The following TRAPPC10 variants were observed in gnomAD, a reference collection of about 807,000 sequenced individuals.
TRAPPC10 encodes TRAPP 130 kDa subunit.
TRAPPC10 carries 23 observed loss-of-function variants against 125.5 expected under a neutral mutation model. That is an observed-to-expected ratio of 0.18 (90% confidence interval 0.13 to 0.26). TRAPPC10 has a LOEUF of 0.26. Ranked by LOEUF, TRAPPC10 falls within the 10% of genes least tolerant of loss-of-function variation. TRAPPC10 has a pLI of 1.00. For synonymous variants in TRAPPC10, 509 were observed against 518.0 expected (o/e 0.98, Z 0.24); for missense variants, 1,123 against 1,308.4 (o/e 0.86, Z 2.19).
chr21:44,035,588 G>A (rs570328656), intron 2 of TRAPPC10, among the ~76,000 whole-genome samples: 3 of 152,200 alleles, frequency 2.0e-5, no homozygotes, highest in South Asian at 4.2e-4. Flanking sequence ...GACCAGCCTG[G>A]CCAACATGGT....
At chr21:44,072,974 C>T (rs190147081) in intron 7 of TRAPPC10, among the ~76,000 whole-genome samples, 5 of 152,330 alleles carry the variant, frequency 3.3e-5, no homozygotes, top group East Asian at 1.9e-4. Flanking sequence ...GCTCATCAAT[C>T]GGAGGGACAC....
rs758338115 is a variant in TRAPPC10 at position 44,087,752 on chromosome 21, A to G, written c.2593A>G (p.Ile865Val). Residue 865 changes from isoleucine (I) to valine (V), a missense_variant, in exon 17 of 23, where the codon ATC becomes GTC. This residue lies in a region of TRAPPC10 where 840 missense variants were observed against 902.0 expected (regional missense o/e 0.93). Coordinates refer to ENST00000291574, the MANE Select transcript of TRAPPC10 (RefSeq NM_003274.5). The surrounding 1 kb of genome is among the most constrained non-coding windows in gnomAD (Gnocchi z 4.6). ...RIQSSDKVTS[I>V]SLPVAPAYHV... ...TCAGTCCTCCGACAAGGTCACGAGC[A>G]TCAGTCTGCCTGTTGCGCCTGCGTA... 1 of 1,614,234 alleles carries G rather than the reference A, an allele frequency of 6.2e-7. No homozygotes were observed. The highest frequency in any genetic ancestry group is 2.2e-5 in the East Asian group (1 of 44,894).
chr21:44,021,638 A>G (rs1416371835), intron 1 of TRAPPC10, among the ~76,000 whole-genome samples: 1 of 152,204 alleles, frequency 6.6e-6, no homozygotes, highest in East Asian at 1.9e-4. Flanking sequence ...AATGGATGTT[A>G]TGGACTGAAC....
chr21:44,071,629 G>A (rs2036874387), intron 7 of TRAPPC10, among the ~76,000 whole-genome samples: 1 of 152,146 alleles, frequency 6.6e-6, no homozygotes, highest in South Asian at 2.1e-4. Flanking sequence ...TCTGCAAGGC[G>A]GCACTGCAGA....
Position 44,032,808 on chromosome 21 carries a change from G to GCAAA in TRAPPC10, c.149+637_149+638insAAAC, listed in dbSNP as rs1266121555. On this transcript the variant is annotated intron_variant, in intron 2 of 22. Transcript: ENST00000291574. ...TGACCAGAATGTCTTAAAGGCACAG[G>GCAAA]CGTTTTGCAAAGGAGACACGTGCTC... Among the ~76,000 whole-genome samples the GCAAA allele has an allele frequency of 3.3e-5, 5 of 152,324 alleles. No individual in the cohort carries two copies. The East Asian group carries it at 7.7e-4, about 23-fold the overall frequency.
rs141057151 is a variant in TRAPPC10 at position 44,074,764 on chromosome 21, C to T, written c.1186-275C>T. 6.6e-3 allele frequency among the ~76,000 whole-genome samples: 1,012 copies of T among 152,308 alleles called. 9 individuals carry two copies. Among genetic ancestry groups the T allele is most frequent in the African/African-American group, 0.023 (947 of 41,564 alleles). On this transcript the variant is annotated intron_variant, in intron 8 of 22. Transcript: ENST00000291574. ...TGTCAGCTCACCAGGCAGAGCTGTG[C>T]TGGTGTGTGCAGCAGGTAGGCTGGG...
chr21:44,062,958 G>A, intron 6 of TRAPPC10: 4 of 1,299,540 alleles, frequency 3.1e-6, no homozygotes, highest in Non-Finnish European at 3.0e-6. Context: ...AGGGATGTAA[G>A]TAAACCTCTG....
intron 3 of TRAPPC10, among the ~76,000 whole-genome samples, chr21:44,050,505 T>A: frequency 6.6e-6 from 1 of 152,032 alleles, no homozygotes; most frequent in East Asian, 1.9e-4. Flanking sequence ...GTGGATGGGG[T>A]CAGCCGGGTG....
Position 44,080,235 on chromosome 21 carries a change from G to C in TRAPPC10, c.1723+108G>C. 3 of 969,330 alleles carry C rather than the reference G, an allele frequency of 3.1e-6. 1 individual carries two copies. In the Admixed American group the frequency reaches 6.4e-5, roughly 21 times the overall value. 60.0% of individuals were successfully genotyped at this position (969,330 alleles called of 1,614,324 possible). On this transcript the variant is annotated intron_variant, in intron 13 of 22. Coordinates refer to ENST00000291574, the MANE Select transcript of TRAPPC10 (RefSeq NM_003274.5). Reference sequence around the variant, plus strand: ...TACAGTAAACAGTTGCTAACATTTTGCTGTGTAGCTGACATGTATCTATGT... The same window carrying C: ...TACAGTAAACAGTTGCTAACATTTTCCTGTGTAGCTGACATGTATCTATGT...
At chr21:44,060,915 TACACACACACACACAC>T (rs34848979) in intron 6 of TRAPPC10, among the ~76,000 whole-genome samples, 1 of 132,192 alleles carries the variant, frequency 7.6e-6, no homozygotes, top group Admixed American at 7.6e-5. Context: ...CATACATACA[TACACACACACACACAC>T]ACACACACAC....
chr21:44,048,526 C>G (rs1034817549), intron 3 of TRAPPC10, among the ~76,000 whole-genome samples: 15 of 152,134 alleles, frequency 9.9e-5, no homozygotes, highest in African/African-American at 3.4e-4. Flanking sequence ...CAGAGTCTTG[C>G]TCTATCACCC....
In TRAPPC10 at chr21:44,087,020, T is replaced by G; in HGVS notation, c.2539+60T>G. The stretch of plus-strand genomic sequence containing the variant: ...CCCACCTTGCCCTGCACTGTGTGGG[T>G]GTGAGGGTGAGCCTGGCCTTGCTGC... On this transcript the variant is annotated intron_variant, in intron 16 of 22. Coordinates refer to ENST00000291574, the MANE Select transcript of TRAPPC10 (RefSeq NM_003274.5). The surrounding 1 kb of genome is among the most constrained non-coding windows in gnomAD (Gnocchi z 4.6). 1 of 1,579,186 alleles carries G rather than the reference T, an allele frequency of 6.3e-7. No homozygotes were observed. Among genetic ancestry groups the G allele is most frequent in the Non-Finnish European group, 8.6e-7 (1 of 1,156,602 alleles).
In TRAPPC10 at chr21:44,029,255, C is replaced by CAGCT. The variant is rs2033360775; in HGVS notation, c.68-2834_68-2831dup. Among the ~76,000 whole-genome samples the CAGCT allele has an allele frequency of 3.3e-5, 5 of 152,244 alleles. No individual in the cohort carries two copies. In the South Asian group the frequency reaches 1.0e-3, roughly 32 times the overall value. The stretch of plus-strand genomic sequence containing the variant: ...GACTACAGGCGCCTGCCACCACACC[C>CAGCT]AGCTAATTTTTTGTATTTTTAGTAG... On this transcript the variant is annotated intron_variant, in intron 1 of 22. Coordinates refer to ENST00000291574, the MANE Select transcript of TRAPPC10 (RefSeq NM_003274.5).
rs557030152 is a variant in TRAPPC10 at position 44,082,140 on chromosome 21, G to T, written c.1724-648G>T. 1.2e-3 allele frequency among the ~76,000 whole-genome samples: 185 copies of T among 152,326 alleles called. No homozygotes were observed. The highest frequency in any genetic ancestry group is 4.2e-3 in the African/African-American group (176 of 41,576). On this transcript the variant is annotated intron_variant, in intron 13 of 22. Transcript: ENST00000291574. This position sits in a 1 kb window ranked among gnomAD's most constrained non-coding sequence, Gnocchi z 4.4. The stretch of plus-strand genomic sequence containing the variant: ...AGTCTTGGCAAGTCCTTTCGTTGAT[G>T]AATATTTAATAAATACTTAACTGGT...
chr21:44,034,068 G>A (rs575444533), intron 2 of TRAPPC10, among the ~76,000 whole-genome samples: 5 of 152,290 alleles, frequency 3.3e-5, no homozygotes, highest in East Asian at 3.9e-4. Flanking sequence ...AGCGGAGGCC[G>A]CAGGATATAG....
intron 1 of TRAPPC10, among the ~76,000 whole-genome samples, chr21:44,022,462 T>TTTTC (rs973483714): frequency 3.5e-5 from 5 of 144,298 alleles, no homozygotes; most frequent in African/African-American, 1.3e-4. Context: ...TTTTTTTTTT[T>TTTTC]TTTTTTTTTT....
chr21:44,049,756 C>T (rs1457789769), intron 3 of TRAPPC10, among the ~76,000 whole-genome samples: 2 of 152,254 alleles, frequency 1.3e-5, no homozygotes, highest in South Asian at 2.1e-4. Flanking sequence ...TGCCCTGCCC[C>T]TGGCTGCTGC....
Position 44,072,494 on chromosome 21 carries a change from G to A in TRAPPC10, c.1039-1830G>A, listed in dbSNP as rs554838535. On this transcript the variant is annotated intron_variant, in intron 7 of 22. Coordinates refer to ENST00000291574, the MANE Select transcript of TRAPPC10 (RefSeq NM_003274.5). ...TGTTTGTTTGTTTGTTTTGTGTTTC[G>A]CTATTGTTGCCCAGGCTGGAGTGCA... Among the ~76,000 whole-genome samples, 5 of 152,142 alleles carry A rather than the reference G, an allele frequency of 3.3e-5. No homozygotes were observed. The East Asian group carries it at 5.8e-4, about 18-fold the overall frequency.
chr21:44,071,869 C>T (rs1274055351), intron 7 of TRAPPC10, among the ~76,000 whole-genome samples: 1 of 152,116 alleles, frequency 6.6e-6, no homozygotes, highest in African/African-American at 2.4e-5. Context: ...GGAGGGGTGG[C>T]CGAGCTCACC....
Sources: allele counts gnomAD v4.1 joint callset (sites outside exome capture counted in the v4.1 genomes callset), GRCh38; gene constraint gnomAD v4.1.1; regional missense constraint gnomAD v4.1.1; non-coding constraint Gnocchi (gnomAD v3.1); transcripts MANE v1.5; gene names NCBI Gene and HGNC (gene_info 2026-07-23, HGNC 2026-07-21).